The following CACNA1E variants were observed in gnomAD, a reference collection of about 807,000 sequenced individuals.
CACNA1E encodes voltage-dependent R-type calcium channel subunit alpha-1E.
Under a neutral mutation model 259.2 loss-of-function variants are expected in CACNA1E, and 40 were observed. That is an observed-to-expected ratio of 0.15 (90% CI 0.12 to 0.20). The LOEUF is 0.20. CACNA1E is among the 10% of genes least tolerant of loss of function. CACNA1E has a pLI of 1.00. For synonymous variants in CACNA1E, 1,104 were observed against 1,138.5 expected (o/e 0.97, Z 0.61); for missense variants, 1,874 against 3,040.1 (o/e 0.62, Z 9.02).
At chr1:181,637,354 A>AC (rs1418695272) in intron 6 of CACNA1E, among the ~76,000 whole-genome samples, 2 of 151,596 alleles carry the variant, frequency 1.3e-5, no homozygotes, top group Non-Finnish European at 2.9e-5. Flanking sequence ...GGGAAAAAAA[A>AC]CACAAAACCC....
chr1:181,535,502 A>G lies in CACNA1E; in HGVS notation c.512+23992A>G, dbSNP rs114394595. Among the ~76,000 whole-genome samples, 408 of 152,236 alleles carry G rather than the reference A, an allele frequency of 2.7e-3. 3 individuals carry two copies. The highest frequency in any genetic ancestry group is 9.4e-3 in the African/African-American group (389 of 41,544). On this transcript the variant is annotated intron_variant, in intron 3 of 47. Coordinates refer to ENST00000367573, the MANE Select transcript of CACNA1E (RefSeq NM_001205293.3). Reference sequence around the variant, plus strand: ...ATAAAACTATAATGTGTGTATATAAATATATTTTTATGTATATATGTATAA... The same window carrying G: ...ATAAAACTATAATGTGTGTATATAAGTATATTTTTATGTATATATGTATAA...
At position 181,733,561 on chromosome 1, in the gene CACNA1E, G is replaced by A. The variant is rs747813929; in HGVS notation, c.3073G>A (p.Glu1025Lys). The A allele has an allele frequency of 6.2e-6, 10 of 1,613,120 alleles. No individual in the cohort carries two copies. In the South Asian group the frequency reaches 7.7e-5, roughly 12 times the overall value. The part of the protein sequence containing the change: ...VGKHVVLTEQ[E>K]PEGSSEQALL... ...GAAGCACGTGGTGCTGACGGAGCAG[G>A]AGCCAGAAGGCAGCAGTGAGCAGGC... is the stretch of plus-strand genomic sequence containing the variant. The change falls in exon 21 of 48, where the codon GAG (glutamate) becomes AAG (lysine). Residue 1025 changes from glutamate (E) to lysine (K), a missense_variant. Coordinates refer to ENST00000367573, the MANE Select transcript of CACNA1E (RefSeq NM_001205293.3).
intron 1 of CACNA1E, among the ~76,000 whole-genome samples, chr1:181,385,367 G>A (rs74127775): frequency 0.022 from 3,334 of 152,314 alleles, 130 homozygotes; most frequent in African/African-American, 0.074. Flanking sequence ...GAACATCTCC[G>A]ATGGAATATC....
At chr1:181,717,955 G>A (rs1572690563) in intron 11 of CACNA1E, 100 bp from the exon 12 acceptor site, 10 of 649,384 alleles carry the variant, frequency 1.5e-5, no homozygotes, top group East Asian at 5.5e-5. Context: ...ATGTCCTGAC[G>A]TGTGTTGTTG....
intron 1 of CACNA1E, among the ~76,000 whole-genome samples, chr1:181,503,676 C>T (rs1287556133): frequency 2.0e-5 from 3 of 152,238 alleles, no homozygotes; most frequent in Non-Finnish European, 4.4e-5. Flanking sequence ...TAGTAGGATA[C>T]TGAAAGTAAC....
chr1:181,751,909 G>A (rs573767405), intron 26 of CACNA1E: 121 of 655,340 alleles, frequency 1.8e-4, no homozygotes, highest in African/African-American at 8.2e-4. Context: ...GAGTGTGTAC[G>A]TGCATGTGGA....
rs1314912476 is a variant in CACNA1E, at chr1:181,801,801, G to T, written c.*2967G>T. On this transcript the variant is annotated 3_prime_UTR_variant, in exon 48 of 48. Transcript: ENST00000367573. ...CACAAGATCAAATTTGGGCACTGGT[G>T]GTCCACCTCAGAAGACTCTTGAGTC... The T allele has an allele frequency of 6.6e-6, 1 of 152,152 alleles. No individual in the cohort carries two copies. Among genetic ancestry groups the T allele is most frequent in the Non-Finnish European group, 1.5e-5 (1 of 68,034 alleles). 9.4% of individuals were successfully genotyped at this position (152,152 alleles called of 1,614,324 possible).
intron 43 of CACNA1E, among the ~76,000 whole-genome samples, chr1:181,790,040 A>T (rs1443984593): frequency 6.6e-6 from 1 of 152,210 alleles, no homozygotes. Flanking sequence ...TACTGCGAGT[A>T]GGGAAAATTT....
intron 2 of CACNA1E, among the ~76,000 whole-genome samples, chr1:181,467,077 T>C (rs1295235826): frequency 6.6e-6 from 1 of 152,226 alleles, no homozygotes; most frequent in Non-Finnish European, 1.5e-5. Context: ...GCTTAGCTAA[T>C]GGCAGTTCAC....
intron 2 of CACNA1E, among the ~76,000 whole-genome samples, chr1:181,446,512 G>T (rs950255330): frequency 1.3e-5 from 2 of 152,214 alleles, no homozygotes; most frequent in Admixed American, 6.5e-5. Flanking sequence ...TGGTGTTGGG[G>T]TGGCTAATGT....
chr1:181,730,874 G>A (rs935442596), intron 18 of CACNA1E, among the ~76,000 whole-genome samples: 7 of 152,230 alleles, frequency 4.6e-5, no homozygotes, highest in Non-Finnish European at 8.8e-5. Flanking sequence ...GGAAGTTTGC[G>A]TGCCTGTGAG....
chr1:181,410,434 G>A (rs936186583), intron 1 of CACNA1E, among the ~76,000 whole-genome samples: 2 of 152,222 alleles, frequency 1.3e-5, no homozygotes, highest in Admixed American at 1.3e-4. Flanking sequence ...GCCTTAGGGT[G>A]TGGTGCTGGT....
upstream of CACNA1E, chr1:181,483,498 TTTC>T: frequency 6.0e-6 from 2 of 331,388 alleles, no homozygotes. Flanking sequence ...TTTTTTCTTT[TTTC>T]TTTTTTTTTT....
At chr1:181,393,642 G>C (rs574773266) in intron 1 of CACNA1E, among the ~76,000 whole-genome samples, 75 of 152,260 alleles carry the variant, frequency 4.9e-4, no homozygotes, top group African/African-American at 1.7e-3. Flanking sequence ...ATTTTTGGTA[G>C]AGACAGAGTT....
At chr1:181,792,602 C>T (rs1661421493) in intron 44 of CACNA1E, among the ~76,000 whole-genome samples, 1 of 152,270 alleles carries the variant, frequency 6.6e-6, no homozygotes, top group African/African-American at 2.4e-5. Flanking sequence ...CTGCCATACA[C>T]ACCAGAAACC....
intron 1 of CACNA1E, among the ~76,000 whole-genome samples, chr1:181,398,832 C>T (rs115579835): frequency 0.012 from 1,797 of 152,296 alleles, 39 homozygotes; most frequent in African/African-American, 0.041. Flanking sequence ...AAGCGAAAAC[C>T]AACACCCCTT....
chr1:181,758,885 T>C lies in CACNA1E; in HGVS notation c.4605+17T>C, dbSNP rs368436683. ...GGCTTTTTGGTATGTTGCTGAATCCTTCCCAGCACTGGGCTTGTCTCTTTC... is the reference window on the plus strand; with the variant it reads ...GGCTTTTTGGTATGTTGCTGAATCCCTCCCAGCACTGGGCTTGTCTCTTTC... On this transcript the variant is annotated intron_variant, in intron 32 of 47. Transcript: ENST00000367573. This position sits in a 1 kb window ranked among gnomAD's most constrained non-coding sequence, Gnocchi z 4.2. 1.9e-4 allele frequency: 257 copies of C among 1,327,934 alleles called. No homozygotes were observed. Among genetic ancestry groups the C allele is most frequent in the Non-Finnish European group, 2.7e-4 (246 of 921,100 alleles). The allele number at this position is 1,327,934 out of a possible 1,614,324, so 82.3% of individuals were successfully genotyped here. A position where few individuals can be genotyped will look rare whatever the true frequency, so the allele number is the denominator to read the frequency against.
At chr1:181,516,467 C>G (rs1236212490) in intron 3 of CACNA1E, among the ~76,000 whole-genome samples, 1 of 134,464 alleles carries the variant, frequency 7.4e-6, no homozygotes, top group Non-Finnish European at 1.5e-5. Flanking sequence ...GATGAAGAAG[C>G]CAAGGCACAG....
At chr1:181,755,476 C>T (rs1257146315) in intron 28 of CACNA1E, 79 bp downstream of exon 28, 2 of 1,098,466 alleles carry the variant, frequency 1.8e-6, no homozygotes, top group African/African-American at 3.1e-5. Context: ...CAGGTCCACC[C>T]TCCCTCCTTT....
Sources: allele counts gnomAD v4.1 joint callset (sites outside exome capture counted in the v4.1 genomes callset), GRCh38; gene constraint gnomAD v4.1.1; non-coding constraint Gnocchi (gnomAD v3.1); transcripts MANE v1.5; gene names NCBI Gene and HGNC (gene_info 2026-07-23, HGNC 2026-07-21).